LRP4: variants seen among roughly 807,000 people sequenced by gnomAD.
LRP4 encodes the protein LDL receptor related protein 4.
LRP4 carries 95 observed loss-of-function variants against 220.3 expected under a neutral mutation model. The ratio of observed to expected loss-of-function variants is 0.43; its 90% CI spans 0.37 to 0.51. LRP4 has a LOEUF of 0.51. Ranked by LOEUF, LRP4 falls within the 20% of genes least tolerant of loss-of-function variation. The pLI, the probability that LRP4 is intolerant of heterozygous loss-of-function variation, is 0.00. For synonymous variants in LRP4, 903 were observed against 954.6 expected (o/e 0.95, Z 1.00); for missense variants, 1,925 against 2,567.0 (o/e 0.75, Z 5.40).
In LRP4 at chr11:46,899,302, T is replaced by C. The variant is rs554370467; in HGVS notation, c.547+85A>G. On this transcript the variant is annotated intron_variant, in intron 5 of 37. Transcript: ENST00000378623. The surrounding 1 kb of genome is among the most constrained non-coding windows in gnomAD (Gnocchi z 5.9). ...ACCCATGCTCCTTGCCCTTGGTACA[T>C]GCACTCCTCAGCCTCGCCCTTAGCC... 6 of 1,135,344 alleles carry C rather than the reference T, an allele frequency of 5.3e-6. No individual in the cohort carries two copies. The highest frequency in any genetic ancestry group is 2.3e-5 in the East Asian group (1 of 42,822). 70.3% of individuals were successfully genotyped at this position (1,135,344 alleles called of 1,614,324 possible).
Position 46,858,748 on chromosome 11 carries a change from T to G in LRP4, c.*235A>C, listed in dbSNP as rs1008848326. 3.6e-5 allele frequency: 21 copies of G among 579,940 alleles called. No homozygotes were observed. The highest frequency in any genetic ancestry group is 7.4e-5 in the South Asian group (4 of 53,948). 35.9% of individuals were successfully genotyped at this position (579,940 alleles called of 1,614,324 possible). On this transcript the variant is annotated 3_prime_UTR_variant, in exon 38 of 38. Transcript: ENST00000378623. ...GGGGCCCAGGATGGAGTACAAGATG[T>G]GAGGTTCATGGTAAAATCCAGGTCT...
Position 46,879,240 on chromosome 11 carries a change from G to A in LRP4, c.2890C>T (p.Gln964Ter). The change falls in exon 21 of 38, where the codon CAG becomes TAG. Residue 964 changes from glutamine to a stop codon, truncating the protein, a stop_gained. Transcript: ENST00000378623. LOFTEE classifies it high-confidence loss of function. ...YGERIYWTDW[Q>*]TKSIQSADRL... ...TCAGCGCTCTGTATGCTCTTGGTCT[G>A]CCAGTCAGTCCAATAGATGCGCTCT... The A allele has an allele frequency of 6.2e-7, 1 of 1,614,232 alleles. No individual in the cohort carries two copies. Among genetic ancestry groups the A allele is most frequent in the Non-Finnish European group, 8.5e-7 (1 of 1,180,048 alleles).
At position 46,858,476 on chromosome 11, in the gene LRP4, A is replaced by T. The variant is rs754071028; in HGVS notation, c.*507T>A. On this transcript the variant is annotated 3_prime_UTR_variant, in exon 38 of 38. Coordinates refer to ENST00000378623, the MANE Select transcript of LRP4 (RefSeq NM_002334.4). ...GGCTGGAGGTTTCCCAGATGCCCATACCTGCTGGGCTGATTCTTCCTTCTT... is the reference window on the plus strand; with the variant it reads ...GGCTGGAGGTTTCCCAGATGCCCATTCCTGCTGGGCTGATTCTTCCTTCTT... The T allele has an allele frequency of 5.1e-6, 1 of 196,346 alleles. No individual in the cohort carries two copies. Among genetic ancestry groups the T allele is most frequent in the Admixed American group, 5.3e-5 (1 of 19,036 alleles). 12.2% of individuals were successfully genotyped at this position (196,346 alleles called of 1,614,324 possible). A position where few individuals can be genotyped will look rare whatever the true frequency, so the allele number is the denominator to read the frequency against.
chr11:46,910,516 A>G (rs1012012781), intron 1 of LRP4, among the ~76,000 whole-genome samples: 1 of 152,298 alleles, frequency 6.6e-6, no homozygotes, highest in Non-Finnish European at 1.5e-5. Flanking sequence ...TCCATGATTA[A>G]GACCTGCTAT....
intron 37 of LRP4, among the ~76,000 whole-genome samples, chr11:46,859,895 T>A (rs1940494960): frequency 6.6e-6 from 1 of 152,136 alleles, no homozygotes; most frequent in Non-Finnish European, 1.5e-5. Context: ...TTTTTCTAAT[T>A]TTGTTAAGGA....
At chr11:46,898,111 C>CA (rs1257096401) in intron 7 of LRP4, among the ~76,000 whole-genome samples, 2 of 140,880 alleles carry the variant, frequency 1.4e-5, no homozygotes, top group African/African-American at 2.7e-5. Flanking sequence ...CTGACCCCCC[C>CA]ACCTCCCTCC....
At position 46,857,436 on chromosome 11, in the gene LRP4, T is replaced by G. The variant is rs1169739657; in HGVS notation, c.*1547A>C. On this transcript the variant is annotated 3_prime_UTR_variant, in exon 38 of 38. Coordinates refer to ENST00000378623, the MANE Select transcript of LRP4 (RefSeq NM_002334.4). ...AATTCTCCCCTCCATTCCCAGCCCC[T>G]GTTGTTCTCTCCTGCCACTTCTAAT... 2 of 152,186 alleles carry G rather than the reference T, an allele frequency of 1.3e-5. No homozygotes were observed. The highest frequency in any genetic ancestry group is 2.9e-5 in the Non-Finnish European group (2 of 68,060). 9.4% of individuals were successfully genotyped at this position (152,186 alleles called of 1,614,324 possible).
intron 32 of LRP4, 120 bp from the exon 33 acceptor site, chr11:46,868,833 G>T: frequency 1.6e-6 from 2 of 1,268,114 alleles, no homozygotes; most frequent in Non-Finnish European, 2.3e-6. Flanking sequence ...GAGGAGGAGA[G>T]ATACAACCGC....
chr11:46,893,836 G>A (rs537710055), intron 12 of LRP4, among the ~76,000 whole-genome samples: 6 of 151,990 alleles, frequency 3.9e-5, no homozygotes, highest in East Asian at 1.9e-4. Context: ...CTGACCTCAC[G>A]TGATCCGCCT....
chr11:46,862,927 C>A, intron 36 of LRP4, 180 bp from the exon 37 acceptor site: 1 of 636,280 alleles, frequency 1.6e-6, no homozygotes, highest in South Asian at 1.8e-5. Context: ...TGACTTACTT[C>A]TAATGAAAAG....
chr11:46,873,905 C>T lies in LRP4; in HGVS notation c.4230-312G>A, dbSNP rs1160307674. 5.1e-6 allele frequency: 2 copies of T among 389,214 alleles called. No individual in the cohort carries two copies. The highest frequency in any genetic ancestry group is 4.0e-5 in the African/African-American group (2 of 50,194). The allele number at this position is 389,214 out of a possible 1,614,324, so 24.1% of individuals were successfully genotyped here. A position where few individuals can be genotyped will look rare whatever the true frequency, so the allele number is the denominator to read the frequency against. ...TACCTTTGGGAAGAGACAAGGATTG[C>T]TAGGTGGTGATGATAAGAAACGCAG... is the stretch of plus-strand genomic sequence containing the variant. On this transcript the variant is annotated intron_variant, in intron 28 of 37. Coordinates refer to ENST00000378623, the MANE Select transcript of LRP4 (RefSeq NM_002334.4). The surrounding 1 kb of genome is among the most constrained non-coding windows in gnomAD (Gnocchi z 4.2).
chr11:46,891,522 C>T (rs1350398021), intron 13 of LRP4, among the ~76,000 whole-genome samples: 3 of 151,948 alleles, frequency 2.0e-5, no homozygotes, highest in Non-Finnish European at 4.4e-5. Flanking sequence ...ACTGTAGGAC[C>T]TTATAAGATA....
chr11:46,873,638 A>T lies in LRP4; in HGVS notation c.4230-45T>A. 6.6e-7 allele frequency: 1 copy of T among 1,510,938 alleles called. No homozygotes were observed. The highest frequency in any genetic ancestry group is 1.4e-5 in the African/African-American group (1 of 73,000). The allele number at this position is 1,510,938 out of a possible 1,614,324, so 93.6% of individuals were successfully genotyped here. A position where few individuals can be genotyped will look rare whatever the true frequency, so the allele number is the denominator to read the frequency against. ...TGGATGAGCAACCAGACTGACCCAG[A>T]ATAGAGTAGAACTTTAACCCATGTT... is the stretch of plus-strand genomic sequence containing the variant. On this transcript the variant is annotated intron_variant, in intron 28 of 37. Transcript: ENST00000378623. The surrounding 1 kb of genome is among the most constrained non-coding windows in gnomAD (Gnocchi z 4.2).
intron 37 of LRP4, among the ~76,000 whole-genome samples, chr11:46,861,189 G>A (rs1471547334): frequency 2.0e-5 from 3 of 152,066 alleles, no homozygotes; most frequent in Non-Finnish European, 4.4e-5. Context: ...TGTTTTGACT[G>A]CAGTAGAAGC....
chr11:46,881,580 T>C (rs1265567617), intron 20 of LRP4, 122 bp downstream of exon 20: 1 of 960,842 alleles, frequency 1.0e-6, no homozygotes, highest in African/African-American at 1.6e-5. Context: ...GCTGGTCCCA[T>C]AACCTCCAGA....
At chr11:46,877,165 A>G in intron 23 of LRP4, 34 bp downstream of exon 23, 1 of 1,612,282 alleles carries the variant, frequency 6.2e-7, no homozygotes, top group Non-Finnish European at 8.5e-7. Flanking sequence ...GGGCAGGGAC[A>G]GAAGGCCAGG....
rs147259655 is a variant in LRP4, at chr11:46,881,770, G to T, written c.2746C>A (p.Arg916Ser). The change falls in exon 20 of 38, where the codon CGT becomes AGT. Residue 916 changes from arginine to serine, a missense_variant. Arg to Ser is a moderately radical substitution (Grantham distance 110, BLOSUM62 -1). This residue lies in a region of LRP4 where 1,244 missense variants were observed against 1,624.9 expected (regional missense o/e 0.77). Transcript: ENST00000378623. ...NGLAIDYGSQ[R>S]LYWADAGMKT... Reference sequence around the variant, plus strand: ...ATGCCGGCGTCAGCCCAGTATAGACGCTGGGACCCATAATCAATAGCTAAC... The same window carrying T: ...ATGCCGGCGTCAGCCCAGTATAGACTCTGGGACCCATAATCAATAGCTAAC... 2 of 1,613,922 alleles carry T rather than the reference G, an allele frequency of 1.2e-6. No individual in the cohort carries two copies. The highest frequency in any genetic ancestry group is 2.2e-5 in the East Asian group (1 of 44,806).
At chr11:46,869,879 T>G (rs1592517022) in intron 31 of LRP4, among the ~76,000 whole-genome samples, 1 of 151,078 alleles carries the variant, frequency 6.6e-6, no homozygotes, top group Non-Finnish European at 1.5e-5. Flanking sequence ...GAGGCCAAGG[T>G]GGGCGATCAT....
intron 35 of LRP4, 37 bp downstream of exon 35, chr11:46,865,082 T>A: frequency 6.5e-7 from 1 of 1,531,432 alleles, no homozygotes; most frequent in African/African-American, 1.4e-5. Context: ...ATTCATTACA[T>A]CTTCTTTTCC....
Sources: gnomAD v4.1 joint callset for allele counts (sites outside exome capture counted in the v4.1 genomes callset) on GRCh38, gnomAD v4.1.1 for gene constraint, gnomAD v4.1.1 regional missense constraint, Gnocchi (gnomAD v3.1) non-coding constraint, MANE v1.5 for transcripts, NCBI Gene and HGNC (gene_info 2026-07-23, HGNC 2026-07-21) for gene names.